The following TEX14 variants were observed in gnomAD, a reference collection of about 807,000 sequenced individuals.
TEX14 encodes inactive serine/threonine-protein kinase TEX14.
A neutral mutation model predicts 178.6 loss-of-function variants in TEX14; 168 were observed. The ratio of observed to expected loss-of-function variants is 0.94; its 90% confidence interval spans 0.83 to 1.07. TEX14 has a LOEUF of 1.07. Ranked by LOEUF, TEX14 falls within the 50% of genes least tolerant of loss-of-function variation. The pLI is 0.00. For synonymous variants in TEX14, 626 were observed against 634.1 expected (o/e 0.99, Z 0.19); for missense variants, 1,730 against 1,753.6 (o/e 0.99, Z 0.24).
intron 1 of TEX14, among the ~76,000 whole-genome samples, chr17:58,676,938 G>A (rs1015050118): frequency 2.0e-5 from 3 of 152,008 alleles, no homozygotes; most frequent in Admixed American, 6.6e-5. Flanking sequence ...CCAGCATGGC[G>A]AAACCCCGTC....
Position 58,602,570 on chromosome 17 carries a change from A to C in TEX14, c.1357T>G (p.Leu453Val). The change falls in exon 12 of 32, where the codon TTA (leucine) becomes GTA (valine). Residue 453 changes from leucine (L) to valine (V), a missense_variant. This residue lies in a region of TEX14 where 789 missense variants were observed against 681.2 expected (regional missense o/e 1.16). Coordinates refer to ENST00000349033, the MANE Select transcript of TEX14 (RefSeq NM_031272.5). The part of the protein sequence containing the change: ...ILTDDIPWKG[L>V]DGSVVKKAVV... ...GCTTTTTTAACAACTGAGCCATCTA[A>C]GCCCTTCCAGGGTATGTCATCTGTA... is the stretch of plus-strand genomic sequence containing the variant. 6.2e-7 allele frequency: 1 copy of C among 1,613,812 alleles called. No homozygotes were observed. The highest frequency in any genetic ancestry group is 8.5e-7 in the Non-Finnish European group (1 of 1,179,894).
intron 17 of TEX14, among the ~76,000 whole-genome samples, chr17:58,587,141 G>C (rs1023815946): frequency 1.3e-5 from 2 of 152,134 alleles, no homozygotes; most frequent in African/African-American, 4.8e-5. Flanking sequence ...GTATGGTGAT[G>C]TATTTGTGAC....
At chr17:58,639,641 C>T (rs556951877) in intron 2 of TEX14, among the ~76,000 whole-genome samples, 13 of 152,074 alleles carry the variant, frequency 8.5e-5, no homozygotes, top group Non-Finnish European at 1.8e-4. Flanking sequence ...CGGATGTTGC[C>T]GTGAGCCCCT....
At chr17:58,602,643 TG>T (rs1218114205) in intron 11 of TEX14, 53 bp from the exon 12 acceptor site, 4 of 1,460,850 alleles carry the variant, frequency 2.7e-6, no homozygotes, top group Non-Finnish European at 3.7e-6. Context: ...AAGAGTGGAG[TG>T]GGGGGAAAAG....
chr17:58,611,941 G>T (rs2045755007), intron 9 of TEX14, among the ~76,000 whole-genome samples: 1 of 152,240 alleles, frequency 6.6e-6, no homozygotes, highest in South Asian at 2.1e-4. Context: ...TCCTCAGGCA[G>T]AAGGAATGGC....
intron 8 of TEX14, among the ~76,000 whole-genome samples, chr17:58,614,476 C>T (rs906964271): frequency 1.3e-5 from 2 of 152,068 alleles, no homozygotes; most frequent in African/African-American, 4.8e-5. Flanking sequence ...GGCAACAGAG[C>T]GAGACTCAAT....
rs114369934 is a variant in TEX14, at chr17:58,585,973, G to A, written c.2898C>T (p.Asp966=). Residue 966 remains aspartate, a synonymous_variant, in exon 18 of 32, where the codon GAC becomes GAT. Coordinates refer to ENST00000349033, the MANE Select transcript of TEX14 (RefSeq NM_031272.5). ...TCCTAATGGGGGGCTGCAGCAGGGCGTCGGGCTCATTTTCAGCCTCGCTCT... is the reference window on the plus strand; with the variant it reads ...TCCTAATGGGGGGCTGCAGCAGGGCATCGGGCTCATTTTCAGCCTCGCTCT... ...TLESEAENEP[D]ALLQPPIRSP... 3.5e-5 allele frequency: 56 copies of A among 1,614,082 alleles called. No homozygotes were observed. Among genetic ancestry groups the A allele is most frequent in the African/African-American group, 2.8e-4 (21 of 74,992 alleles).
intron 5 of TEX14, among the ~76,000 whole-genome samples, chr17:58,620,170 G>A (rs141592594): frequency 2.6e-5 from 4 of 152,056 alleles, no homozygotes; most frequent in South Asian, 2.1e-4. Flanking sequence ...CCATACAAGC[G>A]CCAGGGGCAG....
chr17:58,627,841 C>T (rs2046182773), intron 3 of TEX14, among the ~76,000 whole-genome samples: 1 of 148,772 alleles, frequency 6.7e-6, no homozygotes, highest in Non-Finnish European at 1.5e-5. Context: ...TGAAGAACTG[C>T]AGACTGTCCC....
intron 19 of TEX14, among the ~76,000 whole-genome samples, chr17:58,580,599 C>T (rs953635845): frequency 2.6e-5 from 4 of 152,094 alleles, no homozygotes; most frequent in South Asian, 2.1e-4. Context: ...CGTGAGCTAC[C>T]GCGCCTGGCC....
In TEX14 at chr17:58,599,319, T is replaced by G; in HGVS notation, c.2026A>C (p.Ser676Arg). The G allele has an allele frequency of 6.2e-7, 1 of 1,613,740 alleles. No homozygotes were observed. The change falls in exon 14 of 32, where the codon AGT becomes CGT. Residue 676 changes from serine (S) to arginine (R), a missense_variant. Ser to Arg is a moderately radical substitution (Grantham distance 110). This residue lies in a region of TEX14 where 941 missense variants were observed against 1,072.4 expected (regional missense o/e 0.88). Transcript: ENST00000349033. Reference protein sequence around the residue: ...KMEREACCFGSEDESSSKAET... With the variant: ...KMEREACCFGREDESSSKAET... The stretch of plus-strand genomic sequence containing the variant: ...GCTTTTGAAGAGCTCTCATCCTCAC[T>G]GCCAAAACAACACGCCTCTCTCTCC...
rs539386949 is a variant in TEX14, at chr17:58,666,358, A to G, written c.-1-14356T>C. ...GCAAGACTGTGTCCCAAAAAAATAAATAAGGCAAAACCTAAAACAACCAAA... is the reference window on the plus strand; with the variant it reads ...GCAAGACTGTGTCCCAAAAAAATAAGTAAGGCAAAACCTAAAACAACCAAA... On this transcript the variant is annotated intron_variant, in intron 1 of 31. Transcript: ENST00000349033. Among the ~76,000 whole-genome samples the G allele has an allele frequency of 2.0e-5, 3 of 151,950 alleles. No individual in the cohort carries two copies. The South Asian group carries it at 6.2e-4, about 32-fold the overall frequency.
intron 2 of TEX14, among the ~76,000 whole-genome samples, chr17:58,638,363 A>C (rs2046487730): frequency 6.6e-6 from 1 of 152,196 alleles, no homozygotes; most frequent in Non-Finnish European, 1.5e-5. Flanking sequence ...AATTAAAAAA[A>C]AAAAATTTAA....
intron 1 of TEX14, among the ~76,000 whole-genome samples, chr17:58,663,791 T>C (rs2143399951): frequency 6.6e-6 from 1 of 152,218 alleles, no homozygotes. Context: ...CTCAACACCC[T>C]GAGTTGTGGG....
In TEX14 at chr17:58,630,552, T is replaced by A; in HGVS notation, c.139A>T (p.Ile47Phe). 1 of 1,610,074 alleles carries A rather than the reference T, an allele frequency of 6.2e-7. No individual in the cohort carries two copies. The highest frequency in any genetic ancestry group is 8.5e-7 in the Non-Finnish European group (1 of 1,176,436). ...AAGGAGTTAACTGCATCAACATAAATTCCTGCAAAGGAAATATCAGAATCA... is the reference window on the plus strand; with the variant it reads ...AAGGAGTTAACTGCATCAACATAAAATCCTGCAAAGGAAATATCAGAATCA... ...VKVKKILKKG[I>F]YVDAVNSLGQ... The change falls in exon 3 of 32, where the codon ATT becomes TTT. Residue 47 changes from isoleucine to phenylalanine, a missense_variant and splice_region_variant. Around this residue, in one of 2 missense-constraint regions of TEX14, gnomAD observed 789 missense variants for 681.2 expected, o/e 1.16. Coordinates refer to ENST00000349033, the MANE Select transcript of TEX14 (RefSeq NM_031272.5).
chr17:58,581,247 G>T (rs1044814432), intron 19 of TEX14, among the ~76,000 whole-genome samples: 2 of 150,612 alleles, frequency 1.3e-5, no homozygotes, highest in African/African-American at 4.9e-5. Flanking sequence ...GGAGGCAGAG[G>T]ATGCGGTGAG....
chr17:58,565,026 G>T (rs1404445100), intron 27 of TEX14, 58 bp from the exon 28 acceptor site: 21 of 1,179,984 alleles, frequency 1.8e-5, no homozygotes, highest in Non-Finnish European at 2.3e-5. Flanking sequence ...GAGAAAGCTT[G>T]CCTTAAAATA....
intron 1 of TEX14, among the ~76,000 whole-genome samples, chr17:58,657,115 GTTTTAT>G (rs1164255651): frequency 6.6e-6 from 1 of 151,600 alleles, no homozygotes; most frequent in Non-Finnish European, 1.5e-5. Context: ...GCCAAATCTG[GTTTTAT>G]TTTTATTTAT....
At chr17:58,661,176 T>C (rs1242867186) in intron 1 of TEX14, 4 of 805,718 alleles carry the variant, frequency 5.0e-6, no homozygotes, top group East Asian at 2.4e-5. Context: ...GTGGAGGTAA[T>C]AGCACCGTGA....
Sources: allele counts gnomAD v4.1 joint callset (sites outside exome capture counted in the v4.1 genomes callset), GRCh38; gene constraint gnomAD v4.1.1; regional missense constraint gnomAD v4.1.1; transcripts MANE v1.5; gene names NCBI Gene and HGNC (gene_info 2026-07-23, HGNC 2026-07-21).